Variants in GAD2 observed in about 807,000 individuals in gnomAD.
GAD2 encodes 65 kDa glutamic acid decarboxylase.
GAD2 carries 22 observed loss-of-function variants against 80.1 expected under a neutral mutation model. The ratio of observed to expected loss-of-function variants is 0.27; its 90% CI spans 0.20 to 0.39. The LOEUF is 0.39. Among genes scored for constraint, GAD2 ranks in the 10% least tolerant of loss-of-function variants. The pLI is 1.00. For missense variants in GAD2, 624 were observed against 738.4 expected (o/e 0.85, Z 1.80); for synonymous variants, 274 against 256.9 (o/e 1.07, Z -0.64).
chr10:26,243,538 G>C (rs536121961), intron 7 of GAD2, among the ~76,000 whole-genome samples: 49 of 152,336 alleles, frequency 3.2e-4, no homozygotes, highest in African/African-American at 1.2e-3. Flanking sequence ...GCTTAGGTTA[G>C]CCTTTCTCAG....
At chr10:26,269,403 G>A (rs529811407) in intron 9 of GAD2, among the ~76,000 whole-genome samples, 14 of 152,324 alleles carry the variant, frequency 9.2e-5, no homozygotes, top group East Asian at 3.9e-4. Context: ...TACAGTGAGC[G>A]TTTCCAAAGC....
intron 8 of GAD2, among the ~76,000 whole-genome samples, chr10:26,256,245 A>G (rs1415776587): frequency 6.6e-6 from 1 of 151,552 alleles, no homozygotes; most frequent in African/African-American, 2.4e-5. Context: ...GTATATATGC[A>G]TATTATATAT....
At chr10:26,292,277 C>A (rs1158534126) in intron 13 of GAD2, among the ~76,000 whole-genome samples, 188 bp from the exon 14 acceptor site, 1 of 152,108 alleles carries the variant, frequency 6.6e-6, no homozygotes, top group East Asian at 1.9e-4. Context: ...TGAAAGGGAA[C>A]AAAAGCACCT....
intron 8 of GAD2, among the ~76,000 whole-genome samples, chr10:26,248,874 A>G (rs1418434851): frequency 1.3e-5 from 2 of 152,148 alleles, no homozygotes; most frequent in Non-Finnish European, 2.9e-5. Flanking sequence ...TTTAAGCTGG[A>G]TAGGTCTGGA....
rs1845010680 is a variant in GAD2, at chr10:26,261,725, T to C, written c.921-7394T>C. On this transcript the variant is annotated intron_variant, in intron 8 of 15. Coordinates refer to ENST00000376261, the MANE Select transcript of GAD2 (RefSeq NM_001134366.2). Reference sequence around the variant, plus strand: ...TTTATCGTGTTAAGAAAGTATCTTCTTAATTTACCAAGAATTCTTTTGTTT... The same window carrying C: ...TTTATCGTGTTAAGAAAGTATCTTCCTAATTTACCAAGAATTCTTTTGTTT... Among the ~76,000 whole-genome samples the C allele has an allele frequency of 2.6e-5, 4 of 152,196 alleles. No individual in the cohort carries two copies. In the South Asian group the frequency reaches 8.3e-4, roughly 31 times the overall value.
Position 26,237,095 on chromosome 10 carries a change from C to T in GAD2, c.840+7318C>T, listed in dbSNP as rs142573202. On this transcript the variant is annotated intron_variant, in intron 7 of 15. Transcript: ENST00000376261. ...TTCCTTTAGTGCTGCAGGCGCCAGG[C>T]GTTGCTTCTGGCACGGGGGAGAGAG... Among the ~76,000 whole-genome samples the T allele has an allele frequency of 2.2e-3, 342 of 152,256 alleles. 1 individual carries two copies. Among genetic ancestry groups the T allele is most frequent in the African/African-American group, 7.6e-3 (314 of 41,552 alleles).
At chr10:26,232,468 A>ATTTTTTTTTTT (rs1564658024) in intron 7 of GAD2, among the ~76,000 whole-genome samples, 2 of 131,690 alleles carry the variant, frequency 1.5e-5, no homozygotes, top group African/African-American at 3.0e-5. Context: ...AACTCAGTCT[A>ATTTTTTTTTTT]CTTTTTTTTT....
In GAD2 at chr10:26,270,798, C is replaced by T. The variant is rs8190715; in HGVS notation, c.1092+42C>T. On this transcript the variant is annotated intron_variant, in intron 10 of 15. Transcript: ENST00000376261. ...GACTGGCCACTAAAACGTCCTTGCA[C>T]GTTTTTCATGTGGGACACACAAAGG... is the stretch of plus-strand genomic sequence containing the variant. 1.8e-3 allele frequency: 2,258 copies of T among 1,261,544 alleles called. 25 individuals carry two copies. In the African/African-American group the frequency reaches 0.026, roughly 15 times the overall value. The allele number at this position is 1,261,544 out of a possible 1,614,324, so 78.1% of individuals were successfully genotyped here.
At chr10:26,240,915 G>A (rs1179206700) in intron 7 of GAD2, among the ~76,000 whole-genome samples, 2 of 151,656 alleles carry the variant, frequency 1.3e-5, no homozygotes, top group African/African-American at 4.8e-5. Context: ...GGTGGCAGGC[G>A]CCTCTAGTCC....
chr10:26,224,128 A>G (rs1844490181), intron 5 of GAD2, 151 bp downstream of exon 5: 2 of 591,956 alleles, frequency 3.4e-6, no homozygotes, highest in African/African-American at 3.7e-5. Context: ...CTTTAATGTA[A>G]CAGAAAGTAG....
At chr10:26,237,603 C>A (rs968255004) in intron 7 of GAD2, among the ~76,000 whole-genome samples, 1 of 152,060 alleles carries the variant, frequency 6.6e-6, no homozygotes, top group African/African-American at 2.4e-5. Flanking sequence ...CCCTTCCTCC[C>A]AAAGTGCCAA....
intron 6 of GAD2, among the ~76,000 whole-genome samples, chr10:26,228,848 G>A (rs1377228096): frequency 6.6e-6 from 1 of 151,850 alleles, no homozygotes; most frequent in African/African-American, 2.4e-5. Context: ...TGTCTTCCAC[G>A]AAACGCATCA....
chr10:26,267,777 A>G (rs915551188), intron 8 of GAD2, among the ~76,000 whole-genome samples: 3 of 152,200 alleles, frequency 2.0e-5, no homozygotes, highest in Admixed American at 2.0e-4. Context: ...GCCTGAAAAA[A>G]AAAAAGGGTC....
At chr10:26,281,434 G>A (rs1845271004) in intron 12 of GAD2, among the ~76,000 whole-genome samples, 1 of 152,044 alleles carries the variant, frequency 6.6e-6, no homozygotes, top group Admixed American at 6.5e-5. Flanking sequence ...TGGAATCTGA[G>A]AGGAGATCAT....
intron 3 of GAD2, 27 bp downstream of exon 3, chr10:26,218,018 G>A (rs1242595223): frequency 1.9e-6 from 3 of 1,577,980 alleles, no homozygotes; most frequent in African/African-American, 2.7e-5. Flanking sequence ...GAGCCCCGGG[G>A]CGCCCCTGCC....
chr10:26,289,434 T>C (rs944935373), intron 13 of GAD2, among the ~76,000 whole-genome samples: 3 of 152,186 alleles, frequency 2.0e-5, no homozygotes, highest in African/African-American at 7.2e-5. Context: ...TAAGTATAAA[T>C]TATTCTTTGA....
At chr10:26,258,265 AG>A (rs1395068405) in intron 8 of GAD2, among the ~76,000 whole-genome samples, 5 of 152,240 alleles carry the variant, frequency 3.3e-5, no homozygotes, top group Non-Finnish European at 5.9e-5. Flanking sequence ...AGCCCCTCAC[AG>A]GGGATATGTC....
intron 8 of GAD2, among the ~76,000 whole-genome samples, chr10:26,247,859 G>C (rs1004564244): frequency 5.2e-5 from 7 of 133,450 alleles, no homozygotes; most frequent in Non-Finnish European, 7.6e-5. Flanking sequence ...TCATGCCATT[G>C]CACTCCAGCC....
In GAD2 at chr10:26,300,690, T is replaced by C. The variant is rs1230893606; in HGVS notation, c.1585-98T>C. On this transcript the variant is annotated intron_variant, in intron 15 of 15. Coordinates refer to ENST00000376261, the MANE Select transcript of GAD2 (RefSeq NM_001134366.2). Reference sequence around the variant, plus strand: ...AGAGAAAACAATAAGGTTCTGACTGTTGAGCTAAAAACTAAAGACGCTGCT... The same window carrying C: ...AGAGAAAACAATAAGGTTCTGACTGCTGAGCTAAAAACTAAAGACGCTGCT... The C allele has an allele frequency of 5.4e-5, 58 of 1,077,320 alleles. No individual in the cohort carries two copies. In the South Asian group the frequency reaches 8.5e-4, roughly 16 times the overall value. The allele number at this position is 1,077,320 out of a possible 1,614,324, so 66.7% of individuals were successfully genotyped here.
Sources: allele counts gnomAD v4.1 joint callset (sites outside exome capture counted in the v4.1 genomes callset), GRCh38; gene constraint gnomAD v4.1.1; transcripts MANE v1.5; gene names NCBI Gene and HGNC (gene_info 2026-07-23, HGNC 2026-07-21).